Variants in ERBB4 observed in about 807,000 individuals in gnomAD.
ERBB4 encodes receptor tyrosine-protein kinase erbB-4.
ERBB4 carries 42 observed loss-of-function variants against 158.0 expected under a neutral mutation model. That is an observed-to-expected ratio of 0.27 (90% confidence interval 0.21 to 0.34). The LOEUF (loss-of-function observed/expected upper bound fraction) is 0.34. Ranked by LOEUF, ERBB4 falls within the 10% of genes least tolerant of loss-of-function variation. The pLI is 1.00. For missense variants in ERBB4, 1,333 were observed against 1,624.1 expected (o/e 0.82, Z 3.08); for synonymous variants, 583 against 558.7 (o/e 1.04, Z -0.61).
At chr2:211,529,076 A>G (rs939186482) in intron 20 of ERBB4, among the ~76,000 whole-genome samples, 2 of 151,832 alleles carry the variant, frequency 1.3e-5, no homozygotes, top group Admixed American at 1.3e-4. Flanking sequence ...TTTTTTTGAA[A>G]CAATAAACAA....
At chr2:211,913,190 G>A (rs1559086078) in intron 3 of ERBB4, among the ~76,000 whole-genome samples, 1 of 152,030 alleles carries the variant, frequency 6.6e-6, no homozygotes, top group African/African-American at 2.4e-5. Flanking sequence ...TAAGGGCCTT[G>A]GTCCCCACAA....
intron 1 of ERBB4, among the ~76,000 whole-genome samples, chr2:212,281,381 T>A (rs2085753613): frequency 6.6e-6 from 1 of 151,758 alleles, no homozygotes; most frequent in Admixed American, 6.6e-5. Flanking sequence ...AGATGTAAAA[T>A]CCTACAAGAC....
intron 20 of ERBB4, among the ~76,000 whole-genome samples, chr2:211,516,552 C>T (rs1212848410): frequency 6.6e-6 from 1 of 151,874 alleles, no homozygotes; most frequent in Non-Finnish European, 1.5e-5. Flanking sequence ...CCAGGCTGGT[C>T]TTGAACTCCT....
At chr2:211,570,415 C>T (rs536264199) in intron 19 of ERBB4, among the ~76,000 whole-genome samples, 163 of 150,874 alleles carry the variant, frequency 1.1e-3, no homozygotes, top group African/African-American at 3.6e-3. Flanking sequence ...ATCCACCCAC[C>T]TTGGCCCCCC....
intron 3 of ERBB4, among the ~76,000 whole-genome samples, chr2:211,817,907 C>T (rs980219062): frequency 9.2e-5 from 14 of 152,166 alleles, no homozygotes; most frequent in African/African-American, 2.4e-4. Context: ...GCAGAACTAT[C>T]GAATCCTCTA....
intron 2 of ERBB4, among the ~76,000 whole-genome samples, chr2:212,123,542 T>C (rs1324438189): frequency 6.6e-6 from 1 of 152,222 alleles, no homozygotes; most frequent in Non-Finnish European, 1.5e-5. Flanking sequence ...ATTAAAATCT[T>C]TTGACACATA....
intron 2 of ERBB4, among the ~76,000 whole-genome samples, chr2:211,987,989 A>C (rs2081980241): frequency 6.6e-6 from 1 of 152,196 alleles, no homozygotes; most frequent in East Asian, 1.9e-4. Flanking sequence ...AAGTGACATT[A>C]CAAATTTCTG....
intron 1 of ERBB4, among the ~76,000 whole-genome samples, chr2:212,237,278 G>A (rs1025712681): frequency 6.6e-6 from 1 of 152,106 alleles, no homozygotes; most frequent in African/African-American, 2.4e-5. Context: ...CATCCTTTTT[G>A]TTGATGTTGA....
At chr2:212,479,574 A>ATTAACATCC (rs1689583569) in intron 1 of ERBB4, among the ~76,000 whole-genome samples, 1 of 152,192 alleles carries the variant, frequency 6.6e-6, no homozygotes, top group Non-Finnish European at 1.5e-5. Flanking sequence ...TGAAGGTTCT[A>ATTAACATCC]TTAACATCCC....
chr2:212,130,960 A>G (rs969210334), intron 1 of ERBB4, among the ~76,000 whole-genome samples: 20 of 152,226 alleles, frequency 1.3e-4, no homozygotes, highest in Non-Finnish European at 1.5e-5. Flanking sequence ...CTTTTCAGAA[A>G]TGTTAATAAA....
In ERBB4 at chr2:212,474,822, C is replaced by CTTTTTTTTTTTTTTTTTTTTTTT. The variant is rs539959668; in HGVS notation, c.82+63626_82+63627insAAAAAAAAAAAAAAAAAAAAAAA. On this transcript the variant is annotated intron_variant, in intron 1 of 27. Coordinates refer to ENST00000342788, the MANE Select transcript of ERBB4 (RefSeq NM_005235.3). Reference sequence around the variant, plus strand: ...CACCATTTCCTGACACCCGGCCATTCTTTTTTTTTTTTTTTTTTGTCAAGA... The same window carrying CTTTTTTTTTTTTTTTTTTTTTTT: ...CACCATTTCCTGACACCCGGCCATTCTTTTTTTTTTTTTTTTTTTTTTTTTTTTTTTTTTTTTTTTTGTCAAGA... Among the ~76,000 whole-genome samples the CTTTTTTTTTTTTTTTTTTTTTTT allele has an allele frequency of 2.3e-4, 22 of 94,410 alleles. 1 individual carries two copies. The highest frequency in any genetic ancestry group is 7.9e-4 in the African/African-American group (13 of 16,430). 61.9% of individuals were successfully genotyped at this position (94,410 alleles called of 152,430 possible).
chr2:211,969,039 G>A (rs143944010), intron 2 of ERBB4, among the ~76,000 whole-genome samples: 113 of 152,036 alleles, frequency 7.4e-4, no homozygotes, highest in African/African-American at 2.6e-3. Context: ...TAGAGAATAA[G>A]CATTAAAAAC....
intron 19 of ERBB4, among the ~76,000 whole-genome samples, chr2:211,602,273 G>T (rs79637394): frequency 2.0e-5 from 3 of 152,018 alleles, no homozygotes; most frequent in African/African-American, 7.2e-5. Context: ...AGATTTACAC[G>T]ATCTGCCTGC....
Position 211,963,339 on chromosome 2 carries a change from T to G in ERBB4, c.235-15723A>C, listed in dbSNP as rs1198492819. Among the ~76,000 whole-genome samples, 6 of 152,270 alleles carry G rather than the reference T, an allele frequency of 3.9e-5. No individual in the cohort carries two copies. The East Asian group carries it at 1.2e-3, about 29-fold the overall frequency. On this transcript the variant is annotated intron_variant, in intron 2 of 27. Transcript: ENST00000342788. ...GCAAAGAATAATCAAGTCCAAAATGTCAAGGTTGATTGACTTATTAATTTG... is the reference window on the plus strand; with the variant it reads ...GCAAAGAATAATCAAGTCCAAAATGGCAAGGTTGATTGACTTATTAATTTG...
chr2:211,803,614 G>A lies in ERBB4; in HGVS notation c.422-15455C>T, dbSNP rs556693267. Among the ~76,000 whole-genome samples, 39 of 152,278 alleles carry A rather than the reference G, an allele frequency of 2.6e-4. 1 individual carries two copies. The South Asian group carries it at 7.9e-3, about 31-fold the overall frequency. ...TGTGAACTCAGGGTTGCCAGAGGTTGGTTTTATTCAGAGGGGCCAGAAATG... is the reference window on the plus strand; with the variant it reads ...TGTGAACTCAGGGTTGCCAGAGGTTAGTTTTATTCAGAGGGGCCAGAAATG... On this transcript the variant is annotated intron_variant, in intron 3 of 27. Coordinates refer to ENST00000342788, the MANE Select transcript of ERBB4 (RefSeq NM_005235.3).
chr2:211,840,725 A>G (rs35390180), intron 3 of ERBB4, among the ~76,000 whole-genome samples: 32,918 of 151,896 alleles, frequency 0.22, 3,653 homozygotes, highest in South Asian at 0.33. Context: ...AAGTTGACAG[A>G]AATTCAAAAA....
rs1177028502 is a variant in ERBB4, at chr2:212,173,352, G to A, written c.83-48449C>T. 3.3e-5 allele frequency among the ~76,000 whole-genome samples: 5 copies of A among 152,226 alleles called. No homozygotes were observed. In the South Asian group the frequency reaches 1.0e-3, roughly 32 times the overall value. On this transcript the variant is annotated intron_variant, in intron 1 of 27. Transcript: ENST00000342788. ...CAACATACAACAGAAACAGAAAGAA[G>A]TAAGCCCTGCAGCTAGGGAAGAGTA...
intron 3 of ERBB4, among the ~76,000 whole-genome samples, chr2:211,815,934 C>T (rs1040941580): frequency 1.3e-5 from 2 of 152,130 alleles, no homozygotes; most frequent in South Asian, 2.1e-4. Context: ...GAACTTGCAC[C>T]AGCTGCCTCC....
chr2:212,373,915 CCA>C (rs201817551), intron 1 of ERBB4, among the ~76,000 whole-genome samples: 8,297 of 75,394 alleles, frequency 0.11, 1,895 homozygotes, highest in African/African-American at 0.3. Context: ...ATGTATATAT[CCA>C]TATATATATA....
Sources: gnomAD v4.1 joint callset for allele counts (sites outside exome capture counted in the v4.1 genomes callset) on GRCh38, gnomAD v4.1.1 for gene constraint, MANE v1.5 for transcripts, NCBI Gene and HGNC (gene_info 2026-07-23, HGNC 2026-07-21) for gene names.